Variants in BEST3 observed in about 807,000 individuals in gnomAD.
BEST3 encodes bestrophin-3.
A neutral mutation model predicts 47.1 loss-of-function variants in BEST3; 50 were observed. That is an observed-to-expected ratio of 1.06 (90% confidence interval 0.85 to 1.34). The LOEUF is 1.34. BEST3 is among the 40% of genes most tolerant of loss of function. The pLI is 0.00. For missense variants in BEST3, 765 were observed against 817.0 expected (o/e 0.94, Z 0.78); for synonymous variants, 282 against 298.8 (o/e 0.94, Z 0.58).
At chr12:69,659,110 G>T (rs1005682850) in intron 9 of BEST3, among the ~76,000 whole-genome samples, 1 of 152,126 alleles carries the variant, frequency 6.6e-6, no homozygotes, top group Non-Finnish European at 1.5e-5. Flanking sequence ...TCAGTGCTCT[G>T]GGGGGCAGTT....
chr12:69,692,949 GAC>G (rs1461127605), intron 4 of BEST3, among the ~76,000 whole-genome samples: 1 of 152,118 alleles, frequency 6.6e-6, no homozygotes, highest in East Asian at 1.9e-4. Flanking sequence ...TTTTAGTAGA[GAC>G]AGGGTTTCAC....
At chr12:69,668,504 C>T (rs1446948329) in intron 9 of BEST3, among the ~76,000 whole-genome samples, 1 of 152,220 alleles carries the variant, frequency 6.6e-6, no homozygotes. Context: ...TCCCCTTGCC[C>T]TTAGCCTCAG....
chr12:69,660,140 T>C (rs1307503701), intron 9 of BEST3: 2 of 152,244 alleles, frequency 1.3e-5, no homozygotes, highest in African/African-American at 4.8e-5. Context: ...TCATTCTTGG[T>C]AAGCTGGTGA....
chr12:69,659,510 T>A (rs1010435125), intron 9 of BEST3, among the ~76,000 whole-genome samples: 15 of 152,086 alleles, frequency 9.9e-5, no homozygotes, highest in African/African-American at 2.9e-4. Context: ...TGCACCACCA[T>A]GCCTGGCTAA....
chr12:69,688,494 A>G (rs1885766823), intron 4 of BEST3, among the ~76,000 whole-genome samples: 2 of 152,206 alleles, frequency 1.3e-5, no homozygotes, highest in African/African-American at 2.4e-5. Flanking sequence ...GCATCAAATT[A>G]TATATATTTC....
In BEST3 at chr12:69,654,331, T is replaced by C; in HGVS notation, c.*576A>G. 7 of 984,828 alleles carry C rather than the reference T, an allele frequency of 7.1e-6. No individual in the cohort carries two copies. Among genetic ancestry groups the C allele is most frequent in the Non-Finnish European group, 7.2e-6 (6 of 829,444 alleles). 61.0% of individuals were successfully genotyped at this position (984,828 alleles called of 1,614,324 possible). A position where few individuals can be genotyped will look rare whatever the true frequency, so the allele number is the denominator to read the frequency against. On this transcript the variant is annotated 3_prime_UTR_variant, in exon 10 of 10. Transcript: ENST00000330891. ...AAAAAGGAAATTGAAGAGAATTAAG[T>C]GTTCTGGTGCTGATGAAGCTTAAGA...
chr12:69,652,052 G>A (rs1425678084), downstream of BEST3, among the ~76,000 whole-genome samples: 3 of 152,168 alleles, frequency 2.0e-5, no homozygotes, highest in East Asian at 5.8e-4. Flanking sequence ...AGCCTTCTTT[G>A]TTTTGCTGGG....
chr12:69,673,025 C>T, intron 7 of BEST3, 60 bp from the exon 8 acceptor site: 1 of 1,308,196 alleles, frequency 7.6e-7, no homozygotes, highest in South Asian at 1.3e-5. Flanking sequence ...AGAATAGAGA[C>T]TGAAGATGAT....
intron 9 of BEST3, chr12:69,670,394 C>T: frequency 2.9e-6 from 2 of 698,572 alleles, no homozygotes; most frequent in South Asian, 1.5e-5. Context: ...AGGCAAATCT[C>T]CTGGCTCCTA....
chr12:69,682,184 TA>T (rs1235442809), intron 4 of BEST3, among the ~76,000 whole-genome samples: 2 of 152,184 alleles, frequency 1.3e-5, no homozygotes, highest in East Asian at 3.8e-4. Flanking sequence ...AGCATTCTTT[TA>T]AATTTTCCTG....
At position 69,654,944 on chromosome 12, in the gene BEST3, A is replaced by G. The variant is rs1883361377; in HGVS notation, c.1970T>C (p.Ile657Thr). 1.9e-6 allele frequency: 3 copies of G among 1,614,002 alleles called. No homozygotes were observed. Among genetic ancestry groups the G allele is most frequent in the South Asian group, 1.1e-5 (1 of 91,068 alleles). The change falls in exon 10 of 10, where the codon ATA (isoleucine) becomes ACA (threonine). Residue 657 changes from isoleucine to threonine, a missense_variant. By Grantham distance (89) the Ile-to-Thr change is moderately conservative (BLOSUM62 -1). Coordinates refer to ENST00000330891, the MANE Select transcript of BEST3 (RefSeq NM_032735.3). The stretch of plus-strand genomic sequence containing the variant: ...TTCCTCAGTTTCCTTGTTCAGCTCT[A>G]TGATATCTGTTTCCTTGGTGTCCAG... ...ENLDTKETDI[I>T]ELNKETEESP...
At chr12:69,665,902 G>A (rs1478962786) in intron 9 of BEST3, among the ~76,000 whole-genome samples, 1 of 152,160 alleles carries the variant, frequency 6.6e-6, no homozygotes, top group African/African-American at 2.4e-5. Flanking sequence ...ATGATCAAAT[G>A]GTGGGGAAGA....
chr12:69,690,056 C>T (rs1195538174), intron 4 of BEST3, among the ~76,000 whole-genome samples: 1 of 152,266 alleles, frequency 6.6e-6, no homozygotes, highest in South Asian at 2.1e-4. Context: ...ATTCCTAGGC[C>T]GTACATCCAA....
chr12:69,684,433 C>A, intron 4 of BEST3: 1 of 466,986 alleles, frequency 2.1e-6, no homozygotes, highest in East Asian at 3.1e-5. Flanking sequence ...GACAAAATTC[C>A]AGTCATCATA....
At chr12:69,649,816 T>G (rs893332298), downstream of BEST3, among the ~76,000 whole-genome samples, 6 of 152,260 alleles carry the variant, frequency 3.9e-5, no homozygotes, top group African/African-American at 1.2e-4. Context: ...TGAGAGCCAC[T>G]GGCCTAGACA....
At chr12:69,645,093 A>T (rs1458155018) in intron 9 of BEST3, among the ~76,000 whole-genome samples, 1 of 152,054 alleles carries the variant, frequency 6.6e-6, no homozygotes, top group African/African-American at 2.4e-5. Context: ...TTTGGTTTTT[A>T]TTTTTTCTGG....
chr12:69,695,474 T>C (rs1347811278), intron 2 of BEST3, among the ~76,000 whole-genome samples: 1 of 152,166 alleles, frequency 6.6e-6, no homozygotes, highest in African/African-American at 2.4e-5. Flanking sequence ...TTGGAGTTCC[T>C]GCCCCAGCTT....
chr12:69,696,316 T>C (rs921477258), intron 2 of BEST3, among the ~76,000 whole-genome samples: 1 of 152,150 alleles, frequency 6.6e-6, no homozygotes, highest in African/African-American at 2.4e-5. Flanking sequence ...GGAACAAAAG[T>C]TGAGGCCCCA....
At chr12:69,667,170 C>A (rs1884273478) in intron 9 of BEST3, among the ~76,000 whole-genome samples, 1 of 152,214 alleles carries the variant, frequency 6.6e-6, no homozygotes, top group South Asian at 2.1e-4. Flanking sequence ...CTTTGCCTAT[C>A]AAATTGTTAC....
Sources: allele counts gnomAD v4.1 joint callset (sites outside exome capture counted in the v4.1 genomes callset), GRCh38; gene constraint gnomAD v4.1.1; transcripts MANE v1.5; gene names NCBI Gene and HGNC (gene_info 2026-07-23, HGNC 2026-07-21).